Variants in KLHL14 observed in about 807,000 individuals in gnomAD.
KLHL14 encodes the protein kelch like family member 14, also known as kelch-like protein 14.
A neutral mutation model predicts 64.3 loss-of-function variants in KLHL14; 22 were observed. The observed-to-expected ratio is 0.34, with a 90% CI of 0.24 to 0.49. KLHL14 has a LOEUF of 0.49. KLHL14 is among the 20% of genes least tolerant of loss of function. The pLI, the probability that KLHL14 is intolerant of heterozygous loss-of-function variation, is 0.99. For synonymous variants in KLHL14, 322 were observed against 333.4 expected (o/e 0.97, Z 0.37); for missense variants, 661 against 789.0 (o/e 0.84, Z 1.94).
At chr18:32,697,571 G>C (rs539927345) in intron 3 of KLHL14, among the ~76,000 whole-genome samples, 90 of 152,072 alleles carry the variant, frequency 5.9e-4, no homozygotes, top group African/African-American at 2.1e-3. Flanking sequence ...ATGAAAAACG[G>C]TATTATCTTT....
rs146526689 is a variant in KLHL14 at position 32,769,913 on chromosome 18, A to T, written c.679T>A (p.Ser227Thr). Residue 227 changes from serine to threonine, a missense_variant, in exon 2 of 9, where the codon TCG becomes ACG. By Grantham distance (58) the Ser-to-Thr change is moderately conservative. Coordinates refer to ENST00000359358, the MANE Select transcript of KLHL14 (RefSeq NM_020805.3). Reference sequence around the variant, plus strand: ...TCCGACTCCACGGGGGGCGGCAGCGAGTCCAGCAGGGCGCGCATCTCCTCG... The same window carrying T: ...TCCGACTCCACGGGGGGCGGCAGCGTGTCCAGCAGGGCGCGCATCTCCTCG... ...NFEEMRALLD[S>T]LPPPVESELA... The T allele has an allele frequency of 4.3e-5, 70 of 1,614,108 alleles. No homozygotes were observed. The African/African-American group carries it at 8.0e-4, about 18-fold the overall frequency.
chr18:32,752,063 G>A (rs938533941), intron 2 of KLHL14, among the ~76,000 whole-genome samples: 1 of 152,124 alleles, frequency 6.6e-6, no homozygotes, highest in Non-Finnish European at 1.5e-5. Context: ...GGAGGTGGAG[G>A]TTGCTGTGAG....
intron 3 of KLHL14, among the ~76,000 whole-genome samples, chr18:32,716,007 A>G (rs2144504717): frequency 6.6e-6 from 1 of 152,344 alleles, no homozygotes; most frequent in East Asian, 1.9e-4. Flanking sequence ...AAAAGCCTTA[A>G]TGGTGCTTCT....
At chr18:32,740,111 A>G (rs1421791285) in intron 3 of KLHL14, among the ~76,000 whole-genome samples, 2 of 152,174 alleles carry the variant, frequency 1.3e-5, no homozygotes, top group Admixed American at 1.3e-4. Context: ...GTCTGATTCA[A>G]AGTTCATGTT....
At chr18:32,749,722 ATAGCT>A (rs1246864230) in intron 2 of KLHL14, among the ~76,000 whole-genome samples, 2 of 152,138 alleles carry the variant, frequency 1.3e-5, no homozygotes, top group African/African-American at 4.8e-5. Context: ...TAAACTTATG[ATAGCT>A]TAGTATTGCA....
At chr18:32,736,080 T>C (rs1047754686) in intron 3 of KLHL14, among the ~76,000 whole-genome samples, 2 of 152,140 alleles carry the variant, frequency 1.3e-5, no homozygotes, top group Non-Finnish European at 2.9e-5. Flanking sequence ...TCAGAATTAT[T>C]TGTACACATG....
At chr18:32,697,854 G>A (rs973346831) in intron 3 of KLHL14, among the ~76,000 whole-genome samples, 3 of 152,098 alleles carry the variant, frequency 2.0e-5, no homozygotes, top group Admixed American at 6.6e-5. Flanking sequence ...TACTTTAAAG[G>A]CTACTTGAAG....
At chr18:32,721,349 G>T (rs1357352939) in intron 3 of KLHL14, among the ~76,000 whole-genome samples, 1 of 152,200 alleles carries the variant, frequency 6.6e-6, no homozygotes, top group Non-Finnish European at 1.5e-5. Context: ...CTGCCACTCT[G>T]ATACCCCTGT....
In KLHL14 at chr18:32,711,923, C is replaced by T. The variant is rs139871480; in HGVS notation, c.1070-16371G>A. On this transcript the variant is annotated intron_variant, in intron 3 of 8. Transcript: ENST00000359358. ...TGAATGTGACTAGATAAATTTACAT[C>T]GCTATGTGAATAAGCCTCATTTTAC... Among the ~76,000 whole-genome samples the T allele has an allele frequency of 2.7e-3, 417 of 152,310 alleles. 1 individual carries two copies. The highest frequency in any genetic ancestry group is 9.6e-3 in the African/African-American group (401 of 41,558).
Position 32,770,645 on chromosome 18 carries a change from G to T in KLHL14, c.-43-11C>A. ...AAACCCTCCTCCAACCTGGCAGACAGGGGTGGGGGATGGGAGGGAGGGGAG... is the reference window on the plus strand; with the variant it reads ...AAACCCTCCTCCAACCTGGCAGACATGGGTGGGGGATGGGAGGGAGGGGAG... On this transcript the variant is annotated splice_polypyrimidine_tract_variant and intron_variant, in intron 1 of 8. Coordinates refer to ENST00000359358, the MANE Select transcript of KLHL14 (RefSeq NM_020805.3). This position sits in a 1 kb window ranked among gnomAD's most constrained non-coding sequence, Gnocchi z 6.7. 1 of 1,478,694 alleles carries T rather than the reference G, an allele frequency of 6.8e-7. No homozygotes were observed. The highest frequency in any genetic ancestry group is 1.4e-5 in the South Asian group (1 of 70,904). 91.6% of individuals were successfully genotyped at this position (1,478,694 alleles called of 1,614,324 possible). A position where few individuals can be genotyped will look rare whatever the true frequency, so the allele number is the denominator to read the frequency against.
intron 3 of KLHL14, among the ~76,000 whole-genome samples, chr18:32,700,669 T>C (rs893801422): frequency 4.6e-5 from 7 of 152,170 alleles, no homozygotes; most frequent in Admixed American, 4.6e-4. Context: ...TTGTACCTGC[T>C]GGGGAGGTCG....
At chr18:32,682,921 A>G (rs925627211) in intron 5 of KLHL14, among the ~76,000 whole-genome samples, 1 of 152,130 alleles carries the variant, frequency 6.6e-6, no homozygotes, top group African/African-American at 2.4e-5. Flanking sequence ...TATTTCACTA[A>G]TGGGCCATCT....
Position 32,770,602 on chromosome 18 carries a change from C to A in KLHL14, c.-11G>T. On this transcript the variant is annotated 5_prime_UTR_variant, in exon 2 of 9. Transcript: ENST00000359358. The surrounding 1 kb of genome is among the most constrained non-coding windows in gnomAD (Gnocchi z 6.7). ...CCCGGATCTGGACATGGCGAGCTGA[C>A]TCGGTGCACCTGGCTTTAAACCCTC... The A allele has an allele frequency of 6.7e-7, 1 of 1,495,232 alleles. No individual in the cohort carries two copies. 92.6% of individuals were successfully genotyped at this position (1,495,232 alleles called of 1,614,324 possible). A position where few individuals can be genotyped will look rare whatever the true frequency, so the allele number is the denominator to read the frequency against.
rs1383015539 is a variant in KLHL14, at chr18:32,673,469, T to A, written c.*1188A>T. On this transcript the variant is annotated 3_prime_UTR_variant, in exon 9 of 9. Transcript: ENST00000359358. ...ATCTCATGCTATCCTGACCTTCTGC[T>A]CCTGAATTCCTCATGCTCCTCAAGA... The A allele has an allele frequency of 2.0e-5, 3 of 152,198 alleles. No homozygotes were observed. Among genetic ancestry groups the A allele is most frequent in the Non-Finnish European group, 4.4e-5 (3 of 68,036 alleles). 9.4% of individuals were successfully genotyped at this position (152,198 alleles called of 1,614,324 possible). A position where few individuals can be genotyped will look rare whatever the true frequency, so the allele number is the denominator to read the frequency against.
At chr18:32,719,190 C>T (rs1458118802) in intron 3 of KLHL14, among the ~76,000 whole-genome samples, 6 of 152,346 alleles carry the variant, frequency 3.9e-5, no homozygotes, top group Middle Eastern at 3.4e-3. Context: ...TCAGGTGATC[C>T]GCCCACCTTG....
At chr18:32,736,610 T>A (rs186987533) in intron 3 of KLHL14, among the ~76,000 whole-genome samples, 1 of 152,250 alleles carries the variant, frequency 6.6e-6, no homozygotes, top group East Asian at 1.9e-4. Context: ...TGAAATAGTC[T>A]CCATGTGATA....
chr18:32,704,071 G>C (rs765045359), intron 3 of KLHL14, among the ~76,000 whole-genome samples: 25 of 152,172 alleles, frequency 1.6e-4, no homozygotes, highest in African/African-American at 5.3e-4. Context: ...AGCCCAAAAG[G>C]CTCATGTCAA....
chr18:32,695,367 G>A (rs2049931566), intron 4 of KLHL14, 96 bp downstream of exon 4: 4 of 781,306 alleles, frequency 5.1e-6, no homozygotes, highest in Non-Finnish European at 9.0e-6. Flanking sequence ...GCACAGAAAT[G>A]TATTTTCCAC....
At chr18:32,762,013 T>C (rs1417940351) in intron 2 of KLHL14, among the ~76,000 whole-genome samples, 2 of 152,116 alleles carry the variant, frequency 1.3e-5, no homozygotes, top group African/African-American at 4.8e-5. Context: ...TATGTTTATC[T>C]CCTTATATTC....
Sources: allele counts gnomAD v4.1 joint callset (sites outside exome capture counted in the v4.1 genomes callset), GRCh38; gene constraint gnomAD v4.1.1; non-coding constraint Gnocchi (gnomAD v3.1); transcripts MANE v1.5; gene names NCBI Gene and HGNC (gene_info 2026-07-23, HGNC 2026-07-21).